Variants in LSAMP observed in about 807,000 individuals in gnomAD.
LSAMP encodes the protein limbic system associated membrane protein.
Under a neutral mutation model 38.6 loss-of-function variants are expected in LSAMP, and 7 were observed. The ratio of observed to expected loss-of-function variants is 0.18; its 90% CI spans 0.10 to 0.34. LSAMP has a LOEUF of 0.34. LSAMP is among the 10% of genes least tolerant of loss of function. The pLI is 1.00. For synonymous variants in LSAMP, 154 were observed against 166.8 expected (o/e 0.92, Z 0.59); for missense variants, 313 against 420.0 (o/e 0.75, Z 2.23).
At chr3:116,283,804 C>T (rs558285256) in intron 1 of LSAMP, among the ~76,000 whole-genome samples, 18 of 152,118 alleles carry the variant, frequency 1.2e-4, no homozygotes, top group African/African-American at 3.6e-4. Context: ...TTAAGATAGT[C>T]TCACCAGCCT....
chr3:116,172,951 A>G (rs1363811608), intron 1 of LSAMP, among the ~76,000 whole-genome samples: 1 of 151,938 alleles, frequency 6.6e-6, no homozygotes. Flanking sequence ...TGATAGAATG[A>G]GAGAAAAAAA....
chr3:116,314,028 C>T (rs1194598234), intron 1 of LSAMP, among the ~76,000 whole-genome samples: 2 of 152,192 alleles, frequency 1.3e-5, no homozygotes, highest in African/African-American at 4.8e-5. Context: ...ACATAATTCT[C>T]ACAATAATAC....
intron 1 of LSAMP, among the ~76,000 whole-genome samples, chr3:116,164,918 T>C (rs1424426297): frequency 6.6e-6 from 1 of 151,428 alleles, no homozygotes; most frequent in Non-Finnish European, 1.5e-5. Flanking sequence ...GAACTAAACT[T>C]GTCTATTATT....
At chr3:116,088,781 A>G (rs1708050993) in intron 1 of LSAMP, among the ~76,000 whole-genome samples, 1 of 152,210 alleles carries the variant, frequency 6.6e-6, no homozygotes, top group African/African-American at 2.4e-5. Flanking sequence ...AAGAAAAAAT[A>G]CCACGTAATA....
chr3:116,441,846 A>G (rs1367911928), intron 1 of LSAMP, among the ~76,000 whole-genome samples: 1 of 152,200 alleles, frequency 6.6e-6, no homozygotes, highest in African/African-American at 2.4e-5. Flanking sequence ...AGGACCGCCA[A>G]GGCTGCTGCT....
chr3:116,280,366 T>C (rs764439652), intron 1 of LSAMP, among the ~76,000 whole-genome samples: 1 of 152,214 alleles, frequency 6.6e-6, no homozygotes, highest in Non-Finnish European at 1.5e-5. Context: ...CTCAACTTCC[T>C]GAGCCTTAGT....
chr3:116,281,577 T>C (rs962803812), intron 1 of LSAMP, among the ~76,000 whole-genome samples: 1 of 152,212 alleles, frequency 6.6e-6, no homozygotes, highest in Non-Finnish European at 1.5e-5. Flanking sequence ...TTGTGGGAAC[T>C]AAGCATGACT....
intron 1 of LSAMP, among the ~76,000 whole-genome samples, chr3:116,235,532 C>G (rs1463698823): frequency 2.0e-5 from 3 of 152,102 alleles, no homozygotes; most frequent in South Asian, 2.1e-4. Context: ...ATACGATGCT[C>G]TAAGTGTTAA....
At chr3:116,394,516 C>G (rs1047071193) in intron 1 of LSAMP, among the ~76,000 whole-genome samples, 2 of 152,182 alleles carry the variant, frequency 1.3e-5, no homozygotes, top group Non-Finnish European at 2.9e-5. Context: ...CCTCCACACA[C>G]ACAAGTCCTT....
intron 1 of LSAMP, among the ~76,000 whole-genome samples, chr3:116,207,646 T>G (rs2046089311): frequency 6.6e-6 from 1 of 152,054 alleles, no homozygotes. Flanking sequence ...AAGGATTTTA[T>G]TTCTCCTTCA....
At chr3:115,937,122 T>C (rs997406228) in intron 3 of LSAMP, among the ~76,000 whole-genome samples, 1 of 152,172 alleles carries the variant, frequency 6.6e-6, no homozygotes, top group African/African-American at 2.4e-5. Flanking sequence ...CAAAGTATAA[T>C]TTAACCTGAA....
At chr3:116,185,030 C>CTTTTTTTTTTTTTTTTT (rs368314567) in intron 1 of LSAMP, among the ~76,000 whole-genome samples, 4 of 117,766 alleles carry the variant, frequency 3.4e-5, no homozygotes, top group African/African-American at 9.5e-5. Context: ...TTCTTTCTTT[C>CTTTTTTTTTTTTTTTTT]TTTTTTTTTT....
At chr3:116,411,426 C>T in intron 1 of LSAMP, among the ~76,000 whole-genome samples, 1 of 151,776 alleles carries the variant, frequency 6.6e-6, no homozygotes, top group Non-Finnish European at 1.5e-5. Flanking sequence ...CACATAGACA[C>T]CATGGAATAC....
At chr3:116,185,526 T>A (rs1157793301) in intron 1 of LSAMP, among the ~76,000 whole-genome samples, 1 of 152,078 alleles carries the variant, frequency 6.6e-6, no homozygotes, top group Non-Finnish European at 1.5e-5. Flanking sequence ...TATAAGGTTT[T>A]TACTCAGTTT....
intron 1 of LSAMP, among the ~76,000 whole-genome samples, chr3:116,202,225 T>C (rs1460274436): frequency 2.0e-5 from 3 of 151,358 alleles, no homozygotes. Context: ...AACCTCCACC[T>C]CCCAGGTTCA....
intron 1 of LSAMP, among the ~76,000 whole-genome samples, chr3:116,119,781 C>T (rs868150737): frequency 6.6e-6 from 1 of 151,852 alleles, no homozygotes; most frequent in South Asian, 2.1e-4. Context: ...CTGCCTCAGC[C>T]TCCCGAGTAG....
chr3:115,888,308 C>T lies in LSAMP; in HGVS notation c.515-35691G>A, dbSNP rs541166154. ...CATAACTGTAGAAAAACATCCATCCCTTAATACATTGCTGTTTATCTTTCT... is the reference window on the plus strand; with the variant it reads ...CATAACTGTAGAAAAACATCCATCCTTTAATACATTGCTGTTTATCTTTCT... On this transcript the variant is annotated intron_variant, in intron 3 of 6. Transcript: ENST00000490035. Among the ~76,000 whole-genome samples, 21 of 151,996 alleles carry T rather than the reference C, an allele frequency of 1.4e-4. No homozygotes were observed. The South Asian group carries it at 4.1e-3, about 30-fold the overall frequency.
At chr3:116,267,834 C>T (rs1355942927) in intron 1 of LSAMP, among the ~76,000 whole-genome samples, 1 of 152,028 alleles carries the variant, frequency 6.6e-6, no homozygotes, top group Non-Finnish European at 1.5e-5. Context: ...AGCGATGAGC[C>T]AAGCTAAAAT....
At chr3:116,228,034 GA>G in intron 1 of LSAMP, among the ~76,000 whole-genome samples, 1 of 152,166 alleles carries the variant, frequency 6.6e-6, no homozygotes, top group Non-Finnish European at 1.5e-5. Context: ...AGCCTGGCCC[GA>G]AACAGAAGAT....
Sources: gnomAD v4.1 joint callset for allele counts (sites outside exome capture counted in the v4.1 genomes callset) on GRCh38, gnomAD v4.1.1 for gene constraint, MANE v1.5 for transcripts, NCBI Gene and HGNC (gene_info 2026-07-23, HGNC 2026-07-21) for gene names.